Variants in SLC25A19 observed in about 807,000 individuals in gnomAD.
SLC25A19 encodes the protein mitochondrial thiamine pyrophosphate carrier.
In SLC25A19, 18 loss-of-function variants were observed where a neutral mutation model predicts 27.9. The observed-to-expected ratio is 0.64, with a 90% CI of 0.45 to 0.96. The LOEUF is 0.96. Ranked by LOEUF, SLC25A19 falls within the 40% of genes least tolerant of loss-of-function variation. The pLI is 0.00. For synonymous variants in SLC25A19, 169 were observed against 167.1 expected (o/e 1.01, Z -0.09); for missense variants, 371 against 418.3 (o/e 0.89, Z 0.99).
chr17:75,278,422 A>G, intron 5 of SLC25A19, 87 bp from the exon 6 acceptor site: 1 of 1,477,522 alleles, frequency 6.8e-7, no homozygotes, highest in Non-Finnish European at 9.4e-7. Flanking sequence ...CCTCGCCTAA[A>G]ATACCAGCTA....
intron 1 of SLC25A19, among the ~76,000 whole-genome samples, chr17:75,288,836 C>T (rs2078244447): frequency 6.6e-6 from 1 of 152,096 alleles, no homozygotes; most frequent in Non-Finnish European, 1.5e-5. Flanking sequence ...CCCCAGGCGC[C>T]CATGAGGAAG....
chr17:75,278,136 G>T lies in SLC25A19; in HGVS notation c.643+16C>A, dbSNP rs1567836273. On this transcript the variant is annotated intron_variant, in intron 6 of 7. Transcript: ENST00000416858. The stretch of plus-strand genomic sequence containing the variant: ...CTGGGGTGGGAGGGCTCCCTCTCGT[G>T]TGAGGGCTGCCTCACCATTTTTCTT... The T allele has an allele frequency of 6.2e-7, 1 of 1,612,578 alleles. No individual in the cohort carries two copies.
At position 75,274,973 on chromosome 17, in the gene SLC25A19, C is replaced by CTTTTTTTTTT. The variant is rs67040059; in HGVS notation, c.775-1344_775-1335dup. ...TAGTGAAATTACAAGGGATTTTGGTCTTTTTTTTTTTTTTTTTTTTTTTTT... is the reference window on the plus strand; with the variant it reads ...TAGTGAAATTACAAGGGATTTTGGTCTTTTTTTTTTTTTTTTTTTTTTTTTTTTTTTTTTT... On this transcript the variant is annotated intron_variant, in intron 7 of 7. Transcript: ENST00000416858. 2.5e-4 allele frequency among the ~76,000 whole-genome samples: 12 copies of CTTTTTTTTTT among 47,198 alleles called. 1 individual carries two copies. The highest frequency in any genetic ancestry group is 3.7e-4 in the Non-Finnish European group (10 of 27,358). 31.0% of individuals were successfully genotyped at this position (47,198 alleles called of 152,430 possible). A position where few individuals can be genotyped will look rare whatever the true frequency, so the allele number is the denominator to read the frequency against.
intron 4 of SLC25A19, among the ~76,000 whole-genome samples, chr17:75,285,156 C>CA (rs1350178766): frequency 6.6e-6 from 1 of 152,112 alleles, no homozygotes; most frequent in East Asian, 1.9e-4. Flanking sequence ...AGGCTGGTCT[C>CA]AAACTCCTGA....
intron 2 of SLC25A19, chr17:75,287,032 C>T (rs1022705782): frequency 6.9e-6 from 3 of 435,340 alleles, no homozygotes; most frequent in Admixed American, 6.9e-5. Flanking sequence ...AAAACCCCAA[C>T]TCTACAAAAA....
chr17:75,273,881 C>A, intron 7 of SLC25A19: 1 of 438,918 alleles, frequency 2.3e-6, no homozygotes, highest in East Asian at 4.9e-5. Flanking sequence ...CTGCCTCAGC[C>A]TCCTGAGTAG....
In SLC25A19 at chr17:75,285,957, C is replaced by T. The variant is rs181594431; in HGVS notation, c.288+347G>A. Among the ~76,000 whole-genome samples, 652 of 152,336 alleles carry T rather than the reference C, an allele frequency of 4.3e-3. 2 individuals carry two copies. Among genetic ancestry groups the T allele is most frequent in the Non-Finnish European group, 7.0e-3 (477 of 68,024 alleles). On this transcript the variant is annotated intron_variant, in intron 4 of 7. Transcript: ENST00000416858. The stretch of plus-strand genomic sequence containing the variant: ...ATCCACATGACAGCTACCCTGCCCT[C>T]CTCATGACGGTGTGGTGAAGTTCAG...
At chr17:75,282,878 A>G (rs2078075648) in intron 5 of SLC25A19, among the ~76,000 whole-genome samples, 1 of 150,968 alleles carries the variant, frequency 6.6e-6, no homozygotes, top group African/African-American at 2.4e-5. Flanking sequence ...AACTAAAAAT[A>G]AAAATAAAAA....
At chr17:75,274,597 C>T (rs1005256229) in intron 7 of SLC25A19, among the ~76,000 whole-genome samples, 11 of 152,124 alleles carry the variant, frequency 7.2e-5, no homozygotes, top group Non-Finnish European at 1.6e-4. Flanking sequence ...AGCAGTAAGG[C>T]CTCCCTCTGC....
intron 5 of SLC25A19, among the ~76,000 whole-genome samples, chr17:75,279,506 C>CTTTTT (rs35328245): frequency 8.8e-6 from 1 of 114,118 alleles, no homozygotes; most frequent in Non-Finnish European, 1.8e-5. Context: ...ATGCTATTAT[C>CTTTTT]TTTTTTTTTT....
intron 4 of SLC25A19, among the ~76,000 whole-genome samples, chr17:75,284,998 G>C (rs1000524023): frequency 6.6e-6 from 1 of 152,102 alleles, no homozygotes; most frequent in South Asian, 2.1e-4. Flanking sequence ...GAGTGCAGTG[G>C]CTCGATCACA....
chr17:75,277,524 A>G (rs758247880), intron 6 of SLC25A19, 41 bp from the exon 7 acceptor site: 2 of 1,611,772 alleles, frequency 1.2e-6, no homozygotes, highest in Admixed American at 3.3e-5. Flanking sequence ...GATGAGAGAA[A>G]TGCAGTCTAT....
Position 75,286,467 on chromosome 17 carries a change from T to C in SLC25A19, c.133-8A>G, listed in dbSNP as rs754252198. 8.1e-6 allele frequency: 13 copies of C among 1,613,576 alleles called. No homozygotes were observed. The highest frequency in any genetic ancestry group is 3.3e-5 in the Admixed American group (2 of 59,950). ...CAGGCGCTCATGCTGAAGCTAGGAATCAAAATAAAAAAGGTCAGGACAGTG... is the reference window on the plus strand; with the variant it reads ...CAGGCGCTCATGCTGAAGCTAGGAACCAAAATAAAAAAGGTCAGGACAGTG... On this transcript the variant is annotated splice_region_variant and splice_polypyrimidine_tract_variant and intron_variant, in intron 3 of 7. Coordinates refer to ENST00000416858, the MANE Select transcript of SLC25A19 (RefSeq NM_001126121.2).
intron 5 of SLC25A19, among the ~76,000 whole-genome samples, chr17:75,282,835 A>G (rs1337142507): frequency 6.6e-6 from 1 of 151,720 alleles, no homozygotes; most frequent in Admixed American, 6.6e-5. Flanking sequence ...CGGGCGACAG[A>G]GTGAGACTCT....
chr17:75,274,726 G>A (rs2077821110), intron 7 of SLC25A19, among the ~76,000 whole-genome samples: 1 of 152,032 alleles, frequency 6.6e-6, no homozygotes, highest in South Asian at 2.1e-4. Flanking sequence ...AGGATCGCTT[G>A]AGCCCAGGAG....
intron 7 of SLC25A19, among the ~76,000 whole-genome samples, chr17:75,274,207 G>C (rs2145726924): frequency 6.6e-6 from 1 of 152,258 alleles, no homozygotes. Flanking sequence ...ATCCAGCAAT[G>C]GCTCCAGAAC....
chr17:75,286,491 T>C, intron 3 of SLC25A19, 32 bp from the exon 4 acceptor site: 1 of 1,613,342 alleles, frequency 6.2e-7, no homozygotes. Flanking sequence ...GTCAGGACAG[T>C]GGGGTGGGCT....
At position 75,284,109 on chromosome 17, in the gene SLC25A19, G is replaced by A. The variant is rs149827729; in HGVS notation, c.289-516C>T. Among the ~76,000 whole-genome samples, 417 of 148,590 alleles carry A rather than the reference G, an allele frequency of 2.8e-3. 3 individuals carry two copies. Among genetic ancestry groups the A allele is most frequent in the African/African-American group, 9.8e-3 (395 of 40,338 alleles). On this transcript the variant is annotated intron_variant, in intron 4 of 7. Transcript: ENST00000416858. The stretch of plus-strand genomic sequence containing the variant: ...CAGCCCGGGCGACAGAGCAAGACTC[G>A]GTCTCAAAAAAAAGACTGGGTGCAG...
intron 4 of SLC25A19, 89 bp downstream of exon 4, chr17:75,286,215 G>A (rs1391640261): frequency 1.6e-5 from 24 of 1,520,030 alleles, no homozygotes; most frequent in Non-Finnish European, 2.2e-5. Context: ...GTCCTGCCCT[G>A]CGCGGCATTC....
Sources: gnomAD v4.1 joint callset for allele counts (sites outside exome capture counted in the v4.1 genomes callset) on GRCh38, gnomAD v4.1.1 for gene constraint, MANE v1.5 for transcripts, NCBI Gene and HGNC (gene_info 2026-07-23, HGNC 2026-07-21) for gene names.